Variants in GPC6 observed in about 807,000 individuals in gnomAD.
GPC6 encodes the protein glypican 6.
In GPC6, 14 loss-of-function variants were observed where a neutral mutation model predicts 55.2. The observed-to-expected ratio is 0.25, with a 90% CI of 0.17 to 0.40. GPC6 has a LOEUF of 0.40. Ranked by LOEUF, GPC6 falls within the 10% of genes least tolerant of loss-of-function variation. GPC6 has a pLI of 1.00. For synonymous variants in GPC6, 278 were observed against 259.6 expected (o/e 1.07, Z -0.68); for missense variants, 641 against 708.5 (o/e 0.90, Z 1.08).
chr13:94,235,447 A>G (rs757624789), intron 4 of GPC6, among the ~76,000 whole-genome samples: 3 of 152,186 alleles, frequency 2.0e-5, no homozygotes, highest in Non-Finnish European at 4.4e-5. Context: ...ACCAGGGCCA[A>G]TTGATCCCTA....
At chr13:93,936,201 G>A (rs1004414618) in intron 3 of GPC6, among the ~76,000 whole-genome samples, 1 of 152,026 alleles carries the variant, frequency 6.6e-6, no homozygotes. Context: ...CATAATACTT[G>A]GTAGCTTTCT....
intron 1 of GPC6, among the ~76,000 whole-genome samples, chr13:93,235,344 G>C (rs1876198266): frequency 6.6e-6 from 1 of 152,118 alleles, no homozygotes; most frequent in East Asian, 1.9e-4. Context: ...GGGTGGGATT[G>C]GATTTTTGGA....
At chr13:93,621,682 C>T (rs1878957726) in intron 2 of GPC6, among the ~76,000 whole-genome samples, 1 of 152,068 alleles carries the variant, frequency 6.6e-6, no homozygotes, top group Admixed American at 6.6e-5. Context: ...TATGTCCGAC[C>T]TTAGGATGGG....
rs374848326 is a variant in GPC6, at chr13:93,563,366, CA to C, written c.319+17948del. The stretch of plus-strand genomic sequence containing the variant: ...TCCAACCAAGCAACCCATATCCTTG[CA>C]AAGTTAACAGTAGTATCTACCAATA... On this transcript the variant is annotated intron_variant, in intron 2 of 8. Transcript: ENST00000377047. 1.5e-3 allele frequency among the ~76,000 whole-genome samples: 226 copies of C among 151,828 alleles called. 8 individuals are homozygous for C. The South Asian group carries it at 0.046, about 31-fold the overall frequency.
intron 3 of GPC6, among the ~76,000 whole-genome samples, chr13:94,014,833 T>C (rs554344330): frequency 2.0e-5 from 3 of 152,372 alleles, no homozygotes; most frequent in Non-Finnish European, 4.4e-5. Flanking sequence ...CATAATGTTT[T>C]CAAAGTTCAT....
rs553591203 is a variant in GPC6, at chr13:93,891,864, G to A, written c.711+61319G>A. 2.6e-5 allele frequency among the ~76,000 whole-genome samples: 4 copies of A among 151,924 alleles called. No homozygotes were observed. The South Asian group carries it at 6.2e-4, about 24-fold the overall frequency. ...GTGTGTGTATATGTAGTGTGTATGT[G>A]TATATATAGTGTGTGTGTATATTGT... On this transcript the variant is annotated intron_variant, in intron 3 of 8. Transcript: ENST00000377047.
At position 93,772,164 on chromosome 13, in the gene GPC6, TAAAG is replaced by T. The variant is rs561442936; in HGVS notation, c.320-57986_320-57983del. Among the ~76,000 whole-genome samples, 917 of 152,316 alleles carry T rather than the reference TAAAG, an allele frequency of 6.0e-3. 5 individuals are homozygous for T. The highest frequency in any genetic ancestry group is 0.02 in the Middle Eastern group (6 of 294). ...AATAGTAATAAAATGTCACTGATGATAAAGAAAAGTAATGGCATCAACTAATATT... is the reference window on the plus strand; with the variant it reads ...AATAGTAATAAAATGTCACTGATGATAAAAGTAATGGCATCAACTAATATT... On this transcript the variant is annotated intron_variant, in intron 2 of 8. Transcript: ENST00000377047.
At chr13:94,223,368 C>T (rs1890446144) in intron 4 of GPC6, among the ~76,000 whole-genome samples, 1 of 151,872 alleles carries the variant, frequency 6.6e-6, no homozygotes, top group African/African-American at 2.4e-5. Context: ...TAATCTAGAA[C>T]ACTCACTTTT....
rs140961750 is a variant in GPC6 at position 93,289,126 on chromosome 13, T to G, written c.160+61510T>G. Among the ~76,000 whole-genome samples the G allele has an allele frequency of 3.7e-3, 568 of 152,280 alleles. 1 individual carries two copies. Among genetic ancestry groups the G allele is most frequent in the African/African-American group, 0.012 (509 of 41,556 alleles). On this transcript the variant is annotated intron_variant, in intron 1 of 8. Transcript: ENST00000377047. ...TGTTATACTGACCCATAACTGGATT[T>G]TATCGGTACCACATTGAAGCCTTAG... is the stretch of plus-strand genomic sequence containing the variant.
intron 4 of GPC6, among the ~76,000 whole-genome samples, chr13:94,152,872 C>T (rs186358515): frequency 2.0e-5 from 3 of 152,214 alleles, no homozygotes; most frequent in African/African-American, 7.2e-5. Context: ...CTACTAAGCA[C>T]CTACTATGTT....
At chr13:93,279,381 A>AT (rs1432341938) in intron 1 of GPC6, among the ~76,000 whole-genome samples, 1 of 152,176 alleles carries the variant, frequency 6.6e-6, no homozygotes, top group East Asian at 1.9e-4. Flanking sequence ...AGATATGTAC[A>AT]TTGGGTTTGG....
At chr13:93,861,948 G>A (rs1483771429) in intron 3 of GPC6, among the ~76,000 whole-genome samples, 2 of 151,608 alleles carry the variant, frequency 1.3e-5, no homozygotes, top group Non-Finnish European at 3.0e-5. Context: ...AAGGAGACAT[G>A]CCTGCCCTGA....
rs745587425 is a variant in GPC6 at position 93,966,322 on chromosome 13, C to G, written c.712-61407C>G. On this transcript the variant is annotated intron_variant, in intron 3 of 8. Transcript: ENST00000377047. ...GAATTGAGTGGGTCCTCATCTCCTGCACTTGCCTAAAACAATATAAAAGAG... is the reference window on the plus strand; with the variant it reads ...GAATTGAGTGGGTCCTCATCTCCTGGACTTGCCTAAAACAATATAAAAGAG... 7.2e-5 allele frequency among the ~76,000 whole-genome samples: 11 copies of G among 152,224 alleles called. No individual in the cohort carries two copies. The South Asian group carries it at 1.0e-3, about 14-fold the overall frequency.
At chr13:94,253,969 T>C (rs775203873) in intron 4 of GPC6, among the ~76,000 whole-genome samples, 1 of 152,274 alleles carries the variant, frequency 6.6e-6, no homozygotes, top group Admixed American at 6.5e-5. Flanking sequence ...GATGTATTGA[T>C]GATTTAGTCT....
chr13:93,750,498 A>G (rs1884540689), intron 2 of GPC6, among the ~76,000 whole-genome samples: 1 of 152,216 alleles, frequency 6.6e-6, no homozygotes, highest in Admixed American at 6.5e-5. Flanking sequence ...AAGTTACTTT[A>G]TAGTGGTTGC....
chr13:93,926,094 G>A (rs963068532), intron 3 of GPC6, among the ~76,000 whole-genome samples: 9 of 152,274 alleles, frequency 5.9e-5, no homozygotes, highest in African/African-American at 2.2e-4. Context: ...AGAGCAAGGT[G>A]GAAGCCTTAG....
At chr13:93,911,112 G>A (rs1754410665) in intron 3 of GPC6, among the ~76,000 whole-genome samples, 1 of 152,228 alleles carries the variant, frequency 6.6e-6, no homozygotes. Flanking sequence ...GTATAAAGAA[G>A]TGGTAGATGG....
intron 1 of GPC6, among the ~76,000 whole-genome samples, chr13:93,307,914 T>G (rs1878914529): frequency 6.6e-6 from 1 of 152,136 alleles, no homozygotes; most frequent in Non-Finnish European, 1.5e-5. Flanking sequence ...ACAAACATAT[T>G]GTACACTGTA....
chr13:93,220,250 T>C, the GPC6 span, among the ~76,000 whole-genome samples: 1 of 152,218 alleles, frequency 6.6e-6, no homozygotes. Flanking sequence ...TGTGTTGTTA[T>C]CCACTTGCCT....
Sources: gnomAD v4.1 joint callset for allele counts (sites outside exome capture counted in the v4.1 genomes callset) on GRCh38, gnomAD v4.1.1 for gene constraint, MANE v1.5 for transcripts, NCBI Gene and HGNC (gene_info 2026-07-23, HGNC 2026-07-21) for gene names.